The following LY96 variants were observed in gnomAD, a reference collection of about 807,000 sequenced individuals.
LY96 encodes the protein myeloid differentiation protein-2.
LY96 carries 18 observed loss-of-function variants against 18.9 expected under a neutral mutation model. The observed-to-expected ratio is 0.95, with a 90% CI of 0.66 to 1.41. LY96 has a LOEUF of 1.41. Among genes scored for constraint, LY96 ranks in the 40% most tolerant of loss-of-function variants. The pLI is 0.00. For synonymous variants in LY96, 66 were observed against 62.6 expected (o/e 1.06, Z -0.26); for missense variants, 175 against 182.4 (o/e 0.96, Z 0.23).
At chr8:74,081,551 G>A in the LY96 span, among the ~76,000 whole-genome samples, 6 of 151,634 alleles carry the variant, frequency 4.0e-5, no homozygotes, top group African/African-American at 1.5e-4. Context: ...GAGCCATCAT[G>A]CCTAGCTAAT....
chr8:74,047,717 ATACT>A, the LY96 span, among the ~76,000 whole-genome samples: 4 of 152,112 alleles, frequency 2.6e-5, no homozygotes, highest in Admixed American at 2.6e-4. Context: ...GTTAATAATA[ATACT>A]TACCACCTCA....
chr8:74,037,536 G>T, the LY96 span, among the ~76,000 whole-genome samples: 7 of 152,236 alleles, frequency 4.6e-5, no homozygotes, highest in Admixed American at 4.6e-4. Context: ...GGAGGCTGAG[G>T]TGAGATGATA....
chr8:74,089,150 G>A, the LY96 span, among the ~76,000 whole-genome samples: 1 of 152,164 alleles, frequency 6.6e-6, no homozygotes, highest in South Asian at 2.1e-4. Context: ...CTTCCTTCCT[G>A]GAATGATCAG....
chr8:74,077,422 G>A, the LY96 span, among the ~76,000 whole-genome samples: 2 of 152,144 alleles, frequency 1.3e-5, no homozygotes, highest in African/African-American at 4.8e-5. Context: ...GTGTGATGAT[G>A]GAATCATGGT....
chr8:74,029,524 C>A (rs1816935048), downstream of LY96, among the ~76,000 whole-genome samples: 1 of 152,154 alleles, frequency 6.6e-6, no homozygotes, highest in Non-Finnish European at 1.5e-5. Context: ...GCTTTCCCCA[C>A]CCACCCCTTT....
At chr8:74,039,477 A>T in the LY96 span, among the ~76,000 whole-genome samples, 2 of 152,144 alleles carry the variant, frequency 1.3e-5, no homozygotes, top group Admixed American at 1.3e-4. Flanking sequence ...TAAAGAGAAA[A>T]CAGCTGGGCC....
intron 3 of LY96, among the ~76,000 whole-genome samples, chr8:74,023,986 C>T (rs1816820002): frequency 6.6e-6 from 1 of 152,088 alleles, no homozygotes; most frequent in Admixed American, 6.6e-5. Flanking sequence ...CAGGTTTCCC[C>T]CATCTTTTGA....
the LY96 span, among the ~76,000 whole-genome samples, chr8:74,097,274 A>G: frequency 6.6e-6 from 1 of 151,912 alleles, no homozygotes; most frequent in Non-Finnish European, 1.5e-5. Context: ...ACAAATCCTG[A>G]CTCTGGCCCT....
At chr8:74,004,111 G>T (rs78144508) in intron 1 of LY96, among the ~76,000 whole-genome samples, 1,770 of 152,132 alleles carry the variant, frequency 0.012, 25 homozygotes, top group African/African-American at 0.039. Flanking sequence ...TAAGTTTTCT[G>T]GGGATCCCCA....
At chr8:74,074,392 G>C in the LY96 span, among the ~76,000 whole-genome samples, 45 of 151,844 alleles carry the variant, frequency 3.0e-4, no homozygotes, top group African/African-American at 1.0e-3. Flanking sequence ...TTTTTCTTTT[G>C]ATTCTTTTTC....
chr8:74,069,460 T>C, the LY96 span, among the ~76,000 whole-genome samples: 1 of 152,186 alleles, frequency 6.6e-6, no homozygotes, highest in South Asian at 2.1e-4. Context: ...GGCAGTGATA[T>C]TCACACACGT....
At chr8:74,066,467 G>A in the LY96 span, among the ~76,000 whole-genome samples, 2 of 152,042 alleles carry the variant, frequency 1.3e-5, no homozygotes, top group Admixed American at 1.3e-4. Flanking sequence ...GTGTCTTTGG[G>A]GATTATCAAG....
the LY96 span, among the ~76,000 whole-genome samples, chr8:74,062,225 CT>C: frequency 1.3e-5 from 2 of 151,936 alleles, no homozygotes; most frequent in South Asian, 2.1e-4. Context: ...CTTTTAGTAT[CT>C]TTTTTTTCCT....
At chr8:74,051,122 A>C in the LY96 span, among the ~76,000 whole-genome samples, 15 of 152,246 alleles carry the variant, frequency 9.9e-5, no homozygotes, top group Non-Finnish European at 2.1e-4. Context: ...GCCAATGGGC[A>C]GAAGACACAT....
the LY96 span, among the ~76,000 whole-genome samples, chr8:74,083,055 C>A: frequency 6.6e-6 from 1 of 151,964 alleles, no homozygotes; most frequent in Admixed American, 6.6e-5. Context: ...CCATTTTCCC[C>A]GTCCCCCTGC....
the LY96 span, among the ~76,000 whole-genome samples, chr8:74,053,618 T>C: frequency 6.6e-6 from 1 of 152,222 alleles, no homozygotes; most frequent in Non-Finnish European, 1.5e-5. Context: ...TCATTGCTCT[T>C]CTTACCTAGA....
chr8:74,049,828 A>G, the LY96 span, among the ~76,000 whole-genome samples: 2 of 152,180 alleles, frequency 1.3e-5, no homozygotes, highest in African/African-American at 4.8e-5. Flanking sequence ...ATAGAGATTA[A>G]TATTGTATTG....
chr8:74,013,221 GTTCAAGTGA>G (rs1563715703), intron 3 of LY96, among the ~76,000 whole-genome samples: 2 of 152,022 alleles, frequency 1.3e-5, no homozygotes, highest in Non-Finnish European at 2.9e-5. Context: ...CACTTCCCGG[GTTCAAGTGA>G]TTCTGCCTCA....
At chr8:74,093,923 T>C in the LY96 span, among the ~76,000 whole-genome samples, 285 of 152,356 alleles carry the variant, frequency 1.9e-3, 4 homozygotes, top group African/African-American at 6.4e-3. Context: ...TTCTGCTCTA[T>C]GTTGAAATCT....
Sources: gnomAD v4.1 joint callset for allele counts (sites outside exome capture counted in the v4.1 genomes callset) on GRCh38, gnomAD v4.1.1 for gene constraint, MANE v1.5 for transcripts, NCBI Gene and HGNC (gene_info 2026-07-23, HGNC 2026-07-21) for gene names.